The following CSF2RA variants were observed in gnomAD, a reference collection of about 807,000 sequenced individuals.
CSF2RA encodes colony stimulating factor 2 receptor subunit alpha.
In CSF2RA, 42 loss-of-function variants were observed where a neutral mutation model predicts 51.6. The ratio of observed to expected loss-of-function variants is 0.81; its 90% CI spans 0.64 to 1.05. CSF2RA has a LOEUF of 1.05. Ranked by LOEUF, CSF2RA falls within the 50% of genes least tolerant of loss-of-function variation. The pLI, the probability that CSF2RA is intolerant of heterozygous loss-of-function variation, is 0.00. For synonymous variants in CSF2RA, 222 were observed against 193.0 expected (o/e 1.15, Z -1.24); for missense variants, 530 against 501.1 (o/e 1.06, Z -0.55).
In CSF2RA at chrX:1,295,769, C is replaced by G. The variant is rs768374451; in HGVS notation, c.810+313C>G. Among the ~76,000 whole-genome samples the G allele has an allele frequency of 1.6e-4, 24 of 151,108 alleles. 1 individual carries two copies. The highest frequency in any genetic ancestry group is 1.2e-3 in the East Asian group (6 of 5,098). ...AGACCCAGTATAGACAGGAGGAGCT[C>G]TTGTCCCACAACCACCTGGACCCCG... On this transcript the variant is annotated intron_variant, in intron 9 of 12. Transcript: ENST00000381529.
intron 12 of CSF2RA, among the ~76,000 whole-genome samples, chrX:1,308,002 C>T (rs2148705005): frequency 6.6e-6 from 1 of 150,934 alleles, no homozygotes; most frequent in Admixed American, 6.6e-5. Flanking sequence ...AGGCCCACCC[C>T]CTTTAGACCT....
chrX:1,321,208 G>A, the CSF2RA span, among the ~76,000 whole-genome samples: 2 of 152,028 alleles, frequency 1.3e-5, no homozygotes, highest in East Asian at 1.9e-4. Flanking sequence ...GGTGGCTCAC[G>A]CCTGTCATCC....
the CSF2RA span, among the ~76,000 whole-genome samples, chrX:1,325,095 T>C: frequency 6.6e-6 from 1 of 151,506 alleles, no homozygotes; most frequent in Non-Finnish European, 1.5e-5. Context: ...GCGCCGTGGC[T>C]CACGCCTGTC....
chrX:1,286,997 A>C (rs2090754397), intron 4 of CSF2RA, among the ~76,000 whole-genome samples: 1 of 152,016 alleles, frequency 6.6e-6, no homozygotes, highest in Non-Finnish European at 1.5e-5. Context: ...AGGGAGAGGA[A>C]GAGAGAAATA....
chrX:1,273,023 T>C (rs1356238963), intron 1 of CSF2RA, among the ~76,000 whole-genome samples: 4 of 151,410 alleles, frequency 2.6e-5, no homozygotes, highest in Non-Finnish European at 5.9e-5. Context: ...TTTCACCAGG[T>C]TGGCCAGGCT....
chrX:1,299,075 C>G (rs2092202304), intron 9 of CSF2RA, among the ~76,000 whole-genome samples: 1 of 152,118 alleles, frequency 6.6e-6, no homozygotes, highest in South Asian at 2.1e-4. Flanking sequence ...GGTGAGGGCC[C>G]CCTCATAGTT....
At chrX:1,320,849 G>T in the CSF2RA span, among the ~76,000 whole-genome samples, 32 of 149,224 alleles carry the variant, frequency 2.1e-4, no homozygotes, top group Admixed American at 4.7e-4. Context: ...TTTTTTGTTT[G>T]TTTGTTTTGA....
At position 1,309,538 on chromosome X, in the gene CSF2RA, T is replaced by C. The variant is rs2084032770; in HGVS notation, c.*59T>C. The C allele has an allele frequency of 6.2e-7, 1 of 1,613,978 alleles. No individual in the cohort carries two copies. The highest frequency in any genetic ancestry group is 8.5e-7 in the Non-Finnish European group (1 of 1,179,870). ...CCGCCTCCGCGACACGGGGGAACTG[T>C]TTTCTTGATGATGCTGTGAACCTTT... On this transcript the variant is annotated 3_prime_UTR_variant, in exon 13 of 13. Transcript: ENST00000381529.
downstream of CSF2RA, among the ~76,000 whole-genome samples, chrX:1,313,924 G>A (rs1208102397): frequency 2.1e-4 from 32 of 152,160 alleles, no homozygotes; most frequent in Admixed American, 5.9e-4. Flanking sequence ...CTGGGAGGCA[G>A]AGGTTGCAGT....
At chrX:1,317,098 C>A in the CSF2RA span, among the ~76,000 whole-genome samples, 1 of 151,682 alleles carries the variant, frequency 6.6e-6, no homozygotes, top group Admixed American at 6.6e-5. Flanking sequence ...AGGTGCCCAC[C>A]ACCATGCCCG....
chrX:1,270,927 A>AGCT (rs767280668), intron 1 of CSF2RA, among the ~76,000 whole-genome samples: 18 of 137,714 alleles, frequency 1.3e-4, no homozygotes, highest in South Asian at 2.3e-4. Context: ...CTGTAATCCC[A>AGCT]ATATTTTGGA....
chrX:1,314,094 G>C (rs1476284100), downstream of CSF2RA, among the ~76,000 whole-genome samples: 1 of 152,116 alleles, frequency 6.6e-6, no homozygotes, highest in Non-Finnish European at 1.5e-5. Context: ...GGCCCCTGAA[G>C]GCTGTGGCGA....
At chrX:1,284,106 A>G (rs2090355191) in intron 3 of CSF2RA, among the ~76,000 whole-genome samples, 1 of 151,422 alleles carries the variant, frequency 6.6e-6, no homozygotes, top group Non-Finnish European at 1.5e-5. Context: ...CCAAGGTTCC[A>G]TAATTTGGGA....
chrX:1,283,857 C>A (rs1325695730), intron 3 of CSF2RA, among the ~76,000 whole-genome samples: 1 of 152,056 alleles, frequency 6.6e-6, no homozygotes, highest in Non-Finnish European at 1.5e-5. Context: ...CTATGAGCCG[C>A]CACACCCAGC....
At chrX:1,283,071 T>C (rs1457949686) in intron 3 of CSF2RA, among the ~76,000 whole-genome samples, 1 of 151,984 alleles carries the variant, frequency 6.6e-6, no homozygotes, top group Non-Finnish European at 1.5e-5. Flanking sequence ...TGAGGACCCA[T>C]GTCTGCATGG....
intron 1 of CSF2RA, among the ~76,000 whole-genome samples, chrX:1,272,416 G>A (rs2148017985): frequency 6.6e-6 from 1 of 151,566 alleles, no homozygotes; most frequent in East Asian, 1.9e-4. Context: ...GGGGGAAAGA[G>A]GAATTCTATT....
At chrX:1,313,282 A>G (rs749770159), downstream of CSF2RA, among the ~76,000 whole-genome samples, 14 of 152,000 alleles carry the variant, frequency 9.2e-5, no homozygotes, top group South Asian at 2.7e-3. Context: ...AAAAAAAATA[A>G]AAAAAGCTGG....
chrX:1,272,503 T>A (rs1178454396), intron 1 of CSF2RA, among the ~76,000 whole-genome samples: 2 of 146,902 alleles, frequency 1.4e-5, no homozygotes, highest in African/African-American at 2.5e-5. Flanking sequence ...ATTTTATTTT[T>A]TTGAGACAGC....
At chrX:1,312,834 G>C (rs772113194), downstream of CSF2RA, among the ~76,000 whole-genome samples, 1 of 152,190 alleles carries the variant, frequency 6.6e-6, no homozygotes, top group African/African-American at 2.4e-5. Context: ...GAGATTTGAC[G>C]ATGGAGCAGA....
Sources: gnomAD v4.1 joint callset for allele counts (sites outside exome capture counted in the v4.1 genomes callset) on GRCh38, gnomAD v4.1.1 for gene constraint, MANE v1.5 for transcripts, NCBI Gene and HGNC (gene_info 2026-07-23, HGNC 2026-07-21) for gene names.